The following DIABLO variants were observed in gnomAD, a reference collection of about 807,000 sequenced individuals.
DIABLO encodes the protein diablo homolog, mitochondrial.
In DIABLO, 32 loss-of-function variants were observed where a neutral mutation model predicts 31.7. The ratio of observed to expected loss-of-function variants is 1.01; its 90% CI spans 0.76 to 1.35. The LOEUF is 1.35. DIABLO is among the 40% of genes most tolerant of loss of function. DIABLO has a pLI of 0.00. For missense variants in DIABLO, 316 were observed against 286.4 expected, an observed-to-expected ratio of 1.10 and a Z score of -0.75; for synonymous variants, 132 against 103.2, an observed-to-expected ratio of 1.28 and a Z score of -1.69.
At chr12:122,225,624 A>C (rs1478126371) in intron 1 of DIABLO, 32 of 1,262,490 alleles carry the variant, frequency 2.5e-5, no homozygotes, top group Admixed American at 3.6e-5. Flanking sequence ...CCCTTCCCGG[A>C]CTCCCCCCAT....
chr12:122,225,792 G>A (rs1954450973), intron 1 of DIABLO, 173 bp downstream of exon 1: 5 of 1,460,402 alleles, frequency 3.4e-6, no homozygotes, highest in Non-Finnish European at 4.5e-6. Context: ...TTGACCCAGG[G>A]GGCGGAGGCG....
In DIABLO at chr12:122,216,842, G is replaced by A. The variant is rs147087100; in HGVS notation, c.343C>T (p.Arg115Ter). 2.9e-5 allele frequency: 47 copies of A among 1,613,920 alleles called. No homozygotes were observed. Among genetic ancestry groups the A allele is most frequent in the Admixed American group, 6.7e-5 (4 of 60,002 alleles). ...TTCCCAAGTAAACTTGTATATTGTC[G>A]GTAAAGAGAAGTTAAGGTATAAACA... ...KAVYTLTSLY[R>*]QYTSLLGKMN... The change falls in exon 4 of 6, where the codon CGA becomes TGA. Residue 115 changes from arginine (R) to a stop codon, truncating the protein, a stop_gained. Coordinates refer to ENST00000464942, the MANE Select transcript of DIABLO (RefSeq NM_001371333.1). LOFTEE classifies it high-confidence loss of function.
chr12:122,208,492 T>C lies in DIABLO; in HGVS notation c.609A>G (p.Lys203=). ...QVEEVHQLSR[K]AETKLAEAQI... ...GTGCTTCTGCCAGCTTGGTTTCTGC[T>C]TTCCGGGAGAGCTGGTGCACCTCTT... Residue 203 remains lysine, a synonymous_variant, in exon 6 of 6, where the codon AAA becomes AAG. Coordinates refer to ENST00000464942, the MANE Select transcript of DIABLO (RefSeq NM_001371333.1). The C allele has an allele frequency of 6.2e-7, 1 of 1,614,170 alleles. No homozygotes were observed. The highest frequency in any genetic ancestry group is 1.1e-5 in the South Asian group (1 of 91,086).
chr12:122,211,844 G>A (rs1954095693), intron 5 of DIABLO, among the ~76,000 whole-genome samples: 1 of 152,096 alleles, frequency 6.6e-6, no homozygotes, highest in Non-Finnish European at 1.5e-5. Context: ...GATTGATAAT[G>A]TCTTAATGAA....
intron 3 of DIABLO, chr12:122,217,939 CTGTTTTA>C (rs2136098228): frequency 3.0e-6 from 1 of 330,924 alleles, no homozygotes; most frequent in African/African-American, 2.2e-5. Flanking sequence ...AGCTTCACTC[CTGTTTTA>C]TATACTAGGC....
chr12:122,214,583 G>A (rs776582581), intron 5 of DIABLO, among the ~76,000 whole-genome samples: 92 of 151,936 alleles, frequency 6.1e-4, no homozygotes, highest in Non-Finnish European at 1.0e-3. Flanking sequence ...GCGCCAATAC[G>A]CCCAGCTAAT....
At chr12:122,211,764 A>AT (rs1274119522) in intron 5 of DIABLO, among the ~76,000 whole-genome samples, 1 of 152,174 alleles carries the variant, frequency 6.6e-6, no homozygotes, top group Admixed American at 6.5e-5. Context: ...TGCTCAGAAA[A>AT]TTGAGTATTA....
upstream of DIABLO, chr12:122,226,457 C>G (rs749509320): frequency 2.9e-6 from 2 of 695,896 alleles, no homozygotes; most frequent in South Asian, 1.5e-5. Context: ...AGTAAGTGGT[C>G]CAGCCGGCCA....
At chr12:122,224,689 T>C (rs541901455) in intron 1 of DIABLO, 45 bp from the exon 2 acceptor site, 3 of 1,614,032 alleles carry the variant, frequency 1.9e-6, no homozygotes, top group Middle Eastern at 1.6e-4. Context: ...CGCCAATCTG[T>C]AACAGGCTCT....
At position 122,223,589 on chromosome 12, in the gene DIABLO, T is replaced by G. The variant is rs537708135; in HGVS notation, c.183+923A>C. On this transcript the variant is annotated intron_variant, in intron 2 of 5. Transcript: ENST00000464942. The stretch of plus-strand genomic sequence containing the variant: ...CTCCCCCATTCGCCTCCAGACACAT[T>G]AGCTCCATGCTCCTCAGACATACCA... Among the ~76,000 whole-genome samples, 5 of 152,254 alleles carry G rather than the reference T, an allele frequency of 3.3e-5. No individual in the cohort carries two copies. The East Asian group carries it at 7.7e-4, about 23-fold the overall frequency.
At chr12:122,224,470 G>A (rs1954401872) in intron 2 of DIABLO, 42 bp downstream of exon 2, 3 of 1,613,582 alleles carry the variant, frequency 1.9e-6, no homozygotes, top group East Asian at 4.5e-5. Context: ...GACTTCAAGA[G>A]GACACGGTAC....
Position 122,226,043 on chromosome 12 carries a change from C to G in DIABLO, c.-29G>C. 1 of 1,595,132 alleles carries G rather than the reference C, an allele frequency of 6.3e-7. No homozygotes were observed. Among genetic ancestry groups the G allele is most frequent in the South Asian group, 1.1e-5 (1 of 88,882 alleles). On this transcript the variant is annotated 5_prime_UTR_variant, in exon 1 of 6. Coordinates refer to ENST00000464942, the MANE Select transcript of DIABLO (RefSeq NM_001371333.1). Reference sequence around the variant, plus strand: ...GCAGCGCGCGGACGCCAGACGCACACGCCGGAAGTGACGCAGCTTCGTGAG... The same window carrying G: ...GCAGCGCGCGGACGCCAGACGCACAGGCCGGAAGTGACGCAGCTTCGTGAG...
At position 122,225,960 on chromosome 12, in the gene DIABLO, G is replaced by T; in HGVS notation, c.50+5C>A. 1 of 1,592,550 alleles carries T rather than the reference G, an allele frequency of 6.3e-7. No individual in the cohort carries two copies. The highest frequency in any genetic ancestry group is 2.3e-5 in the East Asian group (1 of 43,920). On this transcript the variant is annotated splice_donor_5th_base_variant and intron_variant, in intron 1 of 5. Transcript: ENST00000464942. ...CCTGTCCCCTCTACGCGGCCGCAGC[G>T]GTACCTGAAGAATGAAGTTACGCTG...
chr12:122,214,008 C>T (rs1954146733), intron 5 of DIABLO, among the ~76,000 whole-genome samples: 1 of 152,078 alleles, frequency 6.6e-6, no homozygotes, highest in Non-Finnish European at 1.5e-5. Context: ...TTGCTTGAAG[C>T]AGGGAGGTGG....
At position 122,209,845 on chromosome 12, in the gene DIABLO, C is replaced by G. The variant is rs138249052; in HGVS notation, c.524-1268G>C. On this transcript the variant is annotated intron_variant, in intron 5 of 5. Coordinates refer to ENST00000464942, the MANE Select transcript of DIABLO (RefSeq NM_001371333.1). ...GGCAGGCATCCTCCTCTTCTAACTTCGATGAAAACACTTCTGAAAGTCCAC... is the reference window on the plus strand; with the variant it reads ...GGCAGGCATCCTCCTCTTCTAACTTGGATGAAAACACTTCTGAAAGTCCAC... 4.3e-6 allele frequency: 3 copies of G among 701,840 alleles called. No homozygotes were observed. In the East Asian group the frequency reaches 8.0e-5, roughly 19 times the overall value. 43.5% of individuals were successfully genotyped at this position (701,840 alleles called of 1,614,324 possible).
At chr12:122,211,244 T>C (rs1467541457) in intron 5 of DIABLO, among the ~76,000 whole-genome samples, 2 of 150,596 alleles carry the variant, frequency 1.3e-5, no homozygotes, top group Middle Eastern at 3.4e-3. Flanking sequence ...TACCAAAAAA[T>C]AAAAAAGATT....
chr12:122,226,417 G>A (rs1355629240), upstream of DIABLO: 9 of 691,856 alleles, frequency 1.3e-5, no homozygotes, highest in East Asian at 1.6e-4. Context: ...GGCCGGGCGC[G>A]GCGACGGCGC....
intron 1 of DIABLO, 67 bp downstream of exon 1, chr12:122,225,898 G>C: frequency 6.5e-7 from 1 of 1,548,006 alleles, no homozygotes; most frequent in Non-Finnish European, 8.7e-7. Context: ...CCGTGGGCCG[G>C]GCCACAGCGC....
In DIABLO at chr12:122,208,141, T is replaced by G; in HGVS notation, c.*240A>C. 1.5e-6 allele frequency: 1 copy of G among 688,116 alleles called. No homozygotes were observed. The highest frequency in any genetic ancestry group is 2.6e-6 in the Non-Finnish European group (1 of 378,496). The allele number at this position is 688,116 out of a possible 1,614,324, so 42.6% of individuals were successfully genotyped here. A position where few individuals can be genotyped will look rare whatever the true frequency, so the allele number is the denominator to read the frequency against. ...GGTAAAAAAAATGGGTAAGAGCAGC[T>G]GTACAGAGTGGGGTGAAATGTTAAA... On this transcript the variant is annotated 3_prime_UTR_variant, in exon 6 of 6. Coordinates refer to ENST00000464942, the MANE Select transcript of DIABLO (RefSeq NM_001371333.1).
Sources: allele counts gnomAD v4.1 joint callset (sites outside exome capture counted in the v4.1 genomes callset), GRCh38; gene constraint gnomAD v4.1.1; transcripts MANE v1.5; gene names NCBI Gene and HGNC (gene_info 2026-07-23, HGNC 2026-07-21).